TACC2: variants seen among roughly 807,000 people sequenced by gnomAD.
TACC2 encodes transforming acidic coiled-coil-containing protein 2.
A neutral mutation model predicts 227.3 loss-of-function variants in TACC2; 137 were observed. The ratio of observed to expected loss-of-function variants is 0.60; its 90% CI spans 0.52 to 0.69. TACC2 has a LOEUF of 0.69. Among genes scored for constraint, TACC2 ranks in the 30% least tolerant of loss-of-function variants. The probability of loss-of-function intolerance (pLI) is 0.00; values close to 1 mark genes in which losing one functional copy is unlikely to be tolerated. For synonymous variants in TACC2, 1,523 were observed against 1,487.5 expected (o/e 1.02, Z -0.55); for missense variants, 3,470 against 3,694.4 (o/e 0.94, Z 1.57).
chr10:122,167,640 CCTTTT>C, intron 7 of TACC2, among the ~76,000 whole-genome samples: 1 of 152,270 alleles, frequency 6.6e-6, no homozygotes, highest in East Asian at 1.9e-4. Flanking sequence ...TGGTTCCTGA[CCTTTT>C]CTTTGGGAGC....
At position 122,132,744 on chromosome 10, in the gene TACC2, G is replaced by A. The variant is rs780573556; in HGVS notation, c.5699+10G>A. The A allele has an allele frequency of 5.0e-6, 8 of 1,613,716 alleles. No homozygotes were observed. The Admixed American group carries it at 1.2e-4, about 24-fold the overall frequency. On this transcript the variant is annotated intron_variant, in intron 6 of 22. Coordinates refer to ENST00000369005, the MANE Select transcript of TACC2 (RefSeq NM_206862.4). ...ATCTGATAGCCCAGAGGTACGGTGG[G>A]GGCCCTGGAGCTGGTGATGAGACCT... is the stretch of plus-strand genomic sequence containing the variant.
At chr10:122,137,693 A>C (rs2089929217) in intron 6 of TACC2, among the ~76,000 whole-genome samples, 1 of 152,168 alleles carries the variant, frequency 6.6e-6, no homozygotes. Flanking sequence ...TGTGCATCAG[A>C]ATCACCTGCT....
intron 7 of TACC2, among the ~76,000 whole-genome samples, chr10:122,165,400 T>C (rs1356161397): frequency 6.6e-6 from 1 of 152,216 alleles, no homozygotes; most frequent in Non-Finnish European, 1.5e-5. Context: ...AATGTGACTG[T>C]ACGTTTGGGA....
At chr10:122,167,239 T>C (rs2093224842) in intron 7 of TACC2, among the ~76,000 whole-genome samples, 1 of 151,920 alleles carries the variant, frequency 6.6e-6, no homozygotes, top group Admixed American at 6.6e-5. Context: ...AAATCACAAA[T>C]ATGGAAACCC....
At chr10:122,101,703 G>A (rs904073661) in intron 5 of TACC2, among the ~76,000 whole-genome samples, 8 of 145,336 alleles carry the variant, frequency 5.5e-5, no homozygotes, top group African/African-American at 2.0e-4. Context: ...GGGACTACAG[G>A]TGCCTGCCAC....
Position 122,083,595 on chromosome 10 carries a change from G to A in TACC2, c.1095G>A (p.Glu365=). ...LVPEAGGSGK[E]ALDTIDVQGH... is the part of the protein sequence containing the mutation. ...CAGAGGCTGGGGGCTCTGGGAAGGA[G>A]GCTCTGGACACCATTGATGTTCAGG... Residue 365 remains glutamate (E), a synonymous_variant, in exon 4 of 23, where the codon GAG becomes GAA. Coordinates refer to ENST00000369005, the MANE Select transcript of TACC2 (RefSeq NM_206862.4). 6 of 1,612,444 alleles carry A rather than the reference G, an allele frequency of 3.7e-6. No homozygotes were observed. Among genetic ancestry groups the A allele is most frequent in the Non-Finnish European group, 5.1e-6 (6 of 1,179,982 alleles).
Position 122,050,315 on chromosome 10 carries a change from A to G in TACC2, c.34-123A>G. ...CCGCACATAGTAGGTGTTTCGTTGGACGGCAGAGCAAGTGAACAACCTTAC... is the reference window on the plus strand; with the variant it reads ...CCGCACATAGTAGGTGTTTCGTTGGGCGGCAGAGCAAGTGAACAACCTTAC... On this transcript the variant is annotated intron_variant, in intron 2 of 22. Coordinates refer to ENST00000369005, the MANE Select transcript of TACC2 (RefSeq NM_206862.4). The surrounding 1 kb of genome is among the most constrained non-coding windows in gnomAD (Gnocchi z 4.6). 1 of 725,214 alleles carries G rather than the reference A, an allele frequency of 1.4e-6. No homozygotes were observed. Among genetic ancestry groups the G allele is most frequent in the South Asian group, 1.8e-5 (1 of 55,994 alleles). 44.9% of individuals were successfully genotyped at this position (725,214 alleles called of 1,614,324 possible). A position where few individuals can be genotyped will look rare whatever the true frequency, so the allele number is the denominator to read the frequency against.
At chr10:122,115,086 C>T (rs569886024) in intron 5 of TACC2, among the ~76,000 whole-genome samples, 11 of 152,292 alleles carry the variant, frequency 7.2e-5, no homozygotes, top group South Asian at 6.2e-4. Flanking sequence ...CCTGCGGCCT[C>T]GTTGGTTTTA....
chr10:122,011,564 G>A (rs1234875843), intron 1 of TACC2, among the ~76,000 whole-genome samples: 6 of 152,282 alleles, frequency 3.9e-5, no homozygotes, highest in South Asian at 2.1e-4. Context: ...TCTTCACCTC[G>A]TGATCTGCCC....
chr10:122,148,296 G>T (rs1468161433), intron 7 of TACC2, among the ~76,000 whole-genome samples: 2 of 152,106 alleles, frequency 1.3e-5, no homozygotes, highest in Non-Finnish European at 2.9e-5. Context: ...TAGAGATGGG[G>T]TTTCACCATG....
chr10:122,028,084 C>CTTTTTTTTTTTTTTTTTTTT (rs59135261), intron 2 of TACC2, among the ~76,000 whole-genome samples: 9 of 91,732 alleles, frequency 9.8e-5, no homozygotes, highest in Admixed American at 1.4e-4. Context: ...TTCTTTCTTT[C>CTTTTTTTTTTTTTTTTTTTT]TTTTTTTTTT....
At chr10:122,211,841 G>A (rs1208173083) in intron 9 of TACC2, 133 bp downstream of exon 9, 6 of 692,390 alleles carry the variant, frequency 8.7e-6, no homozygotes, top group South Asian at 2.6e-5. Flanking sequence ...CCACGCTTAC[G>A]GCCGTTGCAC....
intron 19 of TACC2, among the ~76,000 whole-genome samples, chr10:122,245,372 T>C (rs12572424): frequency 1.8e-4 from 28 of 151,778 alleles, no homozygotes; most frequent in Admixed American, 1.6e-3. Flanking sequence ...TTAAAAAGGG[T>C]TAGGTTGAGA....
At chr10:122,243,937 A>G (rs2096059153) in intron 19 of TACC2, among the ~76,000 whole-genome samples, 1 of 152,246 alleles carries the variant, frequency 6.6e-6, no homozygotes, top group Admixed American at 6.5e-5. Flanking sequence ...GTTGATATAA[A>G]CAGACATTCC....
intron 7 of TACC2, among the ~76,000 whole-genome samples, chr10:122,161,856 G>A (rs1000448943): frequency 1.3e-5 from 2 of 152,218 alleles, no homozygotes; most frequent in Non-Finnish European, 1.5e-5. Flanking sequence ...AGATGTTTCA[G>A]CTCCACGTGG....
intron 5 of TACC2, among the ~76,000 whole-genome samples, chr10:122,102,763 G>T (rs2082317790): frequency 6.6e-6 from 1 of 152,176 alleles, no homozygotes; most frequent in African/African-American, 2.4e-5. Flanking sequence ...GACCTGGCTT[G>T]TGTGAACTGG....
chr10:122,181,290 T>C (rs2093964014), intron 7 of TACC2, among the ~76,000 whole-genome samples: 1 of 152,168 alleles, frequency 6.6e-6, no homozygotes, highest in Admixed American at 6.5e-5. Context: ...TCACATTCTT[T>C]TTGCATCGCT....
intron 9 of TACC2, among the ~76,000 whole-genome samples, chr10:122,212,409 A>C (rs1184987253): frequency 2.0e-5 from 3 of 152,130 alleles, no homozygotes; most frequent in Non-Finnish European, 4.4e-5. Context: ...CAGACACTTG[A>C]CAAGGCCAAG....
intron 16 of TACC2, among the ~76,000 whole-genome samples, chr10:122,232,205 C>T (rs1025058255): frequency 3.3e-5 from 5 of 152,178 alleles, no homozygotes; most frequent in African/African-American, 1.2e-4. Flanking sequence ...AGGATTTTCC[C>T]CCCACTAGAT....
Sources: gnomAD v4.1 joint callset for allele counts (sites outside exome capture counted in the v4.1 genomes callset) on GRCh38, gnomAD v4.1.1 for gene constraint, Gnocchi (gnomAD v3.1) non-coding constraint, MANE v1.5 for transcripts, NCBI Gene and HGNC (gene_info 2026-07-23, HGNC 2026-07-21) for gene names.